The following SRPX2 variants were observed in gnomAD, a reference collection of about 807,000 sequenced individuals.
The protein encoded by SRPX2 is sushi repeat containing protein X-linked 2, also known as sushi repeat-containing protein SRPX2.
In SRPX2, 26 loss-of-function variants were observed where a neutral mutation model predicts 45.3. The observed-to-expected ratio is 0.57, with a 90% confidence interval of 0.42 to 0.80. SRPX2 has a LOEUF of 0.80. SRPX2 is among the 30% of genes least tolerant of loss of function. The probability of loss-of-function intolerance (pLI) is 0.00; values close to 1 mark genes in which losing one functional copy is unlikely to be tolerated. For missense variants in SRPX2, 355 were observed against 399.8 expected, an observed-to-expected ratio of 0.89 and a Z score of 0.95; for synonymous variants, 125 against 143.7, an observed-to-expected ratio of 0.87 and a Z score of 0.93.
intron 3 of SRPX2, among the ~76,000 whole-genome samples, chrX:100,652,974 G>A (rs2083158376): frequency 9.0e-6 from 1 of 111,345 alleles, no homozygotes; most frequent in African/African-American, 3.3e-5. Flanking sequence ...CAATTCCCAT[G>A]ACCCTTTCTT....
rs3086931 is a variant in SRPX2, at chrX:100,669,769, C to CTTTTTT, written c.1217+415_1217+420dup. Among the ~76,000 whole-genome samples, 331 of 61,507 alleles carry CTTTTTT rather than the reference C, an allele frequency of 5.4e-3. 8 individuals carry two copies. Among genetic ancestry groups the CTTTTTT allele is most frequent in the East Asian group, 0.01 (17 of 1,635 alleles). The allele number at this position is 61,507 out of a possible 115,157, so 53.4% of individuals were successfully genotyped here. On this transcript the variant is annotated intron_variant, in intron 10 of 10. Transcript: ENST00000373004. ...CAGTCTCCAAAGGAGCAAAAGCCAT[C>CTTTTTT]TTTTTTTTTTTTTTTTTTTTGAGAC... is the stretch of plus-strand genomic sequence containing the variant.
rs755208352 is a variant in SRPX2 at position 100,645,355 on chromosome X, C to T, written c.-130-838C>T. On this transcript the variant is annotated intron_variant, in intron 1 of 10. Transcript: ENST00000373004. ...TGCCCGCTGGGAACCACAAAACTCTCGTCCCATTAGGGTGAGGACAGGGGA... is the reference window on the plus strand; with the variant it reads ...TGCCCGCTGGGAACCACAAAACTCTTGTCCCATTAGGGTGAGGACAGGGGA... Among the ~76,000 whole-genome samples, 10 of 112,150 alleles carry T rather than the reference C, an allele frequency of 8.9e-5. No individual in the cohort carries two copies. The East Asian group carries it at 2.3e-3, about 25-fold the overall frequency.
intron 10 of SRPX2, 26 bp downstream of exon 10, chrX:100,669,395 T>TG (rs778663067): frequency 3.8e-4 from 14 of 37,029 alleles, no homozygotes; most frequent in Middle Eastern, 8.4e-3. Context: ...CTGCCAAACT[T>TG]GGGGGGAGGG....
intron 3 of SRPX2, among the ~76,000 whole-genome samples, chrX:100,655,353 T>C (rs2083165264): frequency 9.1e-6 from 1 of 110,282 alleles, no homozygotes; most frequent in Non-Finnish European, 1.9e-5. Context: ...ACATTTGCTT[T>C]ATAGGCACAA....
chrX:100,662,345 G>A lies in SRPX2; in HGVS notation c.333G>A (p.Trp111Ter). 1 of 1,211,712 alleles carries A rather than the reference G, an allele frequency of 8.3e-7. No individual in the cohort carries two copies. The change falls in exon 4 of 11, where the codon TGG becomes TGA. Residue 111 changes from tryptophan to a stop codon, truncating the protein, a stop_gained. Transcript: ENST00000373004. LOFTEE classifies it high-confidence loss of function. The part of the protein sequence containing the change: ...RSVQCLPSRR[W>*]SGTAYCRQMR... Reference sequence around the variant, plus strand: ...TGCAATGCCTGCCAAGCCGTCGTTGGTCTGGAACTGCCTACTGCAGGCGTA... The same window carrying A: ...TGCAATGCCTGCCAAGCCGTCGTTGATCTGGAACTGCCTACTGCAGGCGTA...
rs1283034515 is a variant in SRPX2, at chrX:100,662,196, T to C, written c.184T>C (p.Leu62=). ...DYRVPRWCYT[L]NIQDGEATCY... The stretch of plus-strand genomic sequence containing the variant: ...TACAGTCCCCCGATGGTGTTATACA[T>C]TAAATATCCAGGATGGAGAAGCCAC... Residue 62 remains leucine, a synonymous_variant, in exon 4 of 11, where the codon TTA becomes CTA. Coordinates refer to ENST00000373004, the MANE Select transcript of SRPX2 (RefSeq NM_014467.3). The C allele has an allele frequency of 8.3e-7, 1 of 1,209,591 alleles. No individual in the cohort carries two copies. Among genetic ancestry groups the C allele is most frequent in the Non-Finnish European group, 1.1e-6 (1 of 895,118 alleles).
In SRPX2 at chrX:100,665,577, A is replaced by G; in HGVS notation, c.701A>G (p.Glu234Gly). The change falls in exon 7 of 11, where the codon GAA becomes GGA. Residue 234 changes from glutamate to glycine, a missense_variant. Coordinates refer to ENST00000373004, the MANE Select transcript of SRPX2 (RefSeq NM_014467.3). The part of the protein sequence containing the change: ...RGPEPGSHFP[E>G]GEHVIRYTAY... ...CCTGAGCCTGGCTCTCACTTTCCCG[A>G]AGGAGAGCATGTGATTCGTTACACT... 8.3e-7 allele frequency: 1 copy of G among 1,211,957 alleles called. No homozygotes were observed.
chrX:100,664,567 C>G (rs2083198066), intron 4 of SRPX2, among the ~76,000 whole-genome samples: 2 of 111,484 alleles, frequency 1.8e-5, no homozygotes, highest in African/African-American at 6.5e-5. Flanking sequence ...TTTTTTGACA[C>G]CCCCCTGCCC....
chrX:100,667,683 G>A lies in SRPX2; in HGVS notation c.1095+276G>A, dbSNP rs6652817. Among the ~76,000 whole-genome samples the A allele has an allele frequency of 4.1e-3, 457 of 112,528 alleles. 3 individuals are homozygous for A. Among genetic ancestry groups the A allele is most frequent in the African/African-American group, 0.014 (420 of 30,970 alleles). On this transcript the variant is annotated intron_variant, in intron 9 of 10. Transcript: ENST00000373004. ...CAAAGCACTCTGAAGAGACTTGCAA[G>A]ACAGCTATGATCAAATGTAAATGTT... is the stretch of plus-strand genomic sequence containing the variant.
chrX:100,669,422 G>GGGGT, intron 10 of SRPX2, 53 bp downstream of exon 10: 1 of 319,101 alleles, frequency 3.1e-6, no homozygotes, highest in Non-Finnish European at 6.2e-6. Context: ...GGGGCGGGGG[G>GGGGT]AGAAACCCTA....
chrX:100,656,517 A>G (rs1269700578), intron 3 of SRPX2, among the ~76,000 whole-genome samples: 1 of 111,367 alleles, frequency 9.0e-6, no homozygotes, highest in Non-Finnish European at 1.9e-5. Context: ...TCTATTCTCT[A>G]TGTCCATGAG....
chrX:100,667,465 C>T, intron 9 of SRPX2, 58 bp downstream of exon 9: 1 of 1,191,131 alleles, frequency 8.4e-7, no homozygotes, highest in Non-Finnish European at 1.1e-6. Context: ...TTACCTTTTC[C>T]AAATCAGAGT....
chrX:100,654,124 T>C (rs1167166428), intron 3 of SRPX2, among the ~76,000 whole-genome samples: 3 of 112,185 alleles, frequency 2.7e-5, no homozygotes, highest in Admixed American at 1.9e-4. Flanking sequence ...GGTACTTTCA[T>C]GGAGTCTGCA....
At chrX:100,665,034 A>C in intron 5 of SRPX2, 84 bp downstream of exon 5, 1 of 1,122,445 alleles carries the variant, frequency 8.9e-7, no homozygotes, top group Non-Finnish European at 1.2e-6. Flanking sequence ...TTCTCACCAC[A>C]GAAGGCATTC....
intron 3 of SRPX2, among the ~76,000 whole-genome samples, chrX:100,651,599 G>A (rs1037654444): frequency 9.1e-6 from 1 of 109,835 alleles, no homozygotes; most frequent in African/African-American, 3.3e-5. Context: ...TGGCGAATAT[G>A]GTGAAACCTC....
intron 9 of SRPX2, among the ~76,000 whole-genome samples, chrX:100,668,251 CT>C (rs2083210974): frequency 1.0e-5 from 1 of 98,969 alleles, no homozygotes; most frequent in East Asian, 3.3e-4. Context: ...GAAAAAGCTA[CT>C]TAGGAGGCTT....
chrX:100,661,933 GTTTTTTTTT>G (rs771852530), intron 3 of SRPX2, among the ~76,000 whole-genome samples: 4 of 59,698 alleles, frequency 6.7e-5, no homozygotes, highest in Non-Finnish European at 1.2e-4. Flanking sequence ...TCGAGGTGGG[GTTTTTTTTT>G]TTTTTTTTTT....
At chrX:100,645,896 C>T (rs896946262) in intron 1 of SRPX2, among the ~76,000 whole-genome samples, 6 of 111,708 alleles carry the variant, frequency 5.4e-5, no homozygotes, top group African/African-American at 2.0e-4. Context: ...ATGAATGAAA[C>T]CTAATGGCAG....
At chrX:100,646,531 A>T (rs2147638139) in intron 2 of SRPX2, 127 bp downstream of exon 2, 10 of 673,832 alleles carry the variant, frequency 1.5e-5, no homozygotes, top group Non-Finnish European at 2.3e-5. Flanking sequence ...TTAAAGGACA[A>T]TAAAGATGGT....
Sources: allele counts gnomAD v4.1 joint callset (sites outside exome capture counted in the v4.1 genomes callset), GRCh38; gene constraint gnomAD v4.1.1; transcripts MANE v1.5; gene names NCBI Gene and HGNC (gene_info 2026-07-23, HGNC 2026-07-21).